The following GPNMB variants were observed in gnomAD, a reference collection of about 807,000 sequenced individuals.
GPNMB encodes the protein transmembrane glycoprotein NMB.
Under a neutral mutation model 57.3 loss-of-function variants are expected in GPNMB, and 71 were observed. The ratio of observed to expected loss-of-function variants is 1.24; its 90% confidence interval spans 1.02 to 1.51. GPNMB has a LOEUF of 1.51. GPNMB is among the 40% of genes most tolerant of loss of function. The pLI is 0.00. For missense variants in GPNMB, 677 were observed against 691.9 expected (o/e 0.98, Z 0.24); for synonymous variants, 253 against 263.2 (o/e 0.96, Z 0.38).
intron 5 of GPNMB, 37 bp from the exon 6 acceptor site, chr7:23,260,419 A>T (rs1470622131): frequency 1.4e-6 from 2 of 1,480,228 alleles, no homozygotes; most frequent in Non-Finnish European, 1.9e-6. Context: ...TCAAGCAATC[A>T]TGCATTCTTT....
Position 23,253,425 on chromosome 7 carries a change from G to A in GPNMB, c.189G>A (p.Lys63=). Residue 63 remains lysine (K), a synonymous_variant, in exon 2 of 11, where the codon AAG becomes AAA. Transcript: ENST00000258733. The part of the protein sequence containing the change: ...DWNEKLYPVW[K]RGDMRWKNSW... Reference sequence around the variant, plus strand: ...ATGAAAAACTCTACCCAGTGTGGAAGCGGGGAGACATGAGGTGGAAAAACT... The same window carrying A: ...ATGAAAAACTCTACCCAGTGTGGAAACGGGGAGACATGAGGTGGAAAAACT... 21 of 1,614,006 alleles carry A rather than the reference G, an allele frequency of 1.3e-5. No individual in the cohort carries two copies. The highest frequency in any genetic ancestry group is 1.8e-5 in the Non-Finnish European group (21 of 1,179,906).
chr7:23,253,361 A>G lies in GPNMB; in HGVS notation c.125A>G (p.Asn42Ser). Residue 42 changes from asparagine to serine, a missense_variant, in exon 2 of 11, where the codon AAT becomes AGT. Asn to Ser is a conservative substitution (Grantham distance 46). Transcript: ENST00000258733. ...ERPSAYMREHNQLNGWSSDEN... is the reference protein window; with the variant it reads ...ERPSAYMREHSQLNGWSSDEN... ...CCTTCTGCTTACATGAGGGAGCACA[A>G]TCAATTAAATGGCTGGTCTTCTGAT... 1.2e-6 allele frequency: 2 copies of G among 1,613,732 alleles called. No individual in the cohort carries two copies. Among genetic ancestry groups the G allele is most frequent in the East Asian group, 2.2e-5 (1 of 44,894 alleles).
At chr7:23,247,273 T>C (rs1782554345) in intron 1 of GPNMB, 1 of 310,728 alleles carries the variant, frequency 3.2e-6, no homozygotes, top group African/African-American at 2.1e-5. Flanking sequence ...AACTAAACTA[T>C]GTCCAGCTTC....
chr7:23,273,432 G>T, intron 9 of GPNMB, 89 bp from the exon 10 acceptor site: 1 of 801,432 alleles, frequency 1.2e-6, no homozygotes. Context: ...TTCTGTGACG[G>T]CTCCCTTCCT....
Position 23,274,051 on chromosome 7 carries a change from C to G in GPNMB, c.1524-14C>G, listed in dbSNP as rs754084139. The G allele has an allele frequency of 1.2e-5, 19 of 1,583,848 alleles. No homozygotes were observed. In the South Asian group the frequency reaches 1.9e-4, roughly 16 times the overall value. ...AGATCTTTTAAAAATAACTAACCAA[C>G]AGATTGTTTTCAGAAAACACAAGGA... On this transcript the variant is annotated splice_polypyrimidine_tract_variant and intron_variant, in intron 10 of 10. Coordinates refer to ENST00000258733, the MANE Select transcript of GPNMB (RefSeq NM_002510.3).
chr7:23,268,911 G>C (rs1583836279), intron 8 of GPNMB, among the ~76,000 whole-genome samples: 1 of 152,168 alleles, frequency 6.6e-6, no homozygotes, highest in South Asian at 2.1e-4. Context: ...ATCTAAGAAG[G>C]CTGCCATGAG....
intron 8 of GPNMB, among the ~76,000 whole-genome samples, chr7:23,269,161 T>A (rs926698986): frequency 6.6e-6 from 1 of 152,060 alleles, no homozygotes. Flanking sequence ...CTGAGGCGGT[T>A]GATCACCTGA....
At chr7:23,267,558 T>A (rs1428838503) in intron 7 of GPNMB, among the ~76,000 whole-genome samples, 1 of 152,206 alleles carries the variant, frequency 6.6e-6, no homozygotes, top group Non-Finnish European at 1.5e-5. Context: ...AAGTTCAAGG[T>A]ACCAGCACAT....
chr7:23,253,534 G>A (rs1782707095), intron 2 of GPNMB, 75 bp downstream of exon 2: 2 of 1,258,612 alleles, frequency 1.6e-6, no homozygotes, highest in Non-Finnish European at 2.3e-6. Flanking sequence ...AAGCCTTTTA[G>A]ATCACACGGC....
chr7:23,266,687 AC>A, intron 7 of GPNMB, 72 bp downstream of exon 7: 1 of 1,404,656 alleles, frequency 7.1e-7, no homozygotes, highest in Non-Finnish European at 9.9e-7. Context: ...CTCTCTGCTA[AC>A]TCTGAAGGGG....
intron 6 of GPNMB, among the ~76,000 whole-genome samples, chr7:23,262,608 CTTTTTTTTTTTTTTTT>C (rs58011121): frequency 0.02 from 1,259 of 62,922 alleles, 45 homozygotes; most frequent in African/African-American, 0.07. Flanking sequence ...TCACCATTCT[CTTTTTTTTTTTTTTTT>C]TTTTTTTTTT....
At position 23,260,741 on chromosome 7, in the gene GPNMB, C is replaced by T; in HGVS notation, c.986C>T (p.Pro329Leu). The change falls in exon 6 of 11, where the codon CCA (proline) becomes CTA (leucine). Residue 329 changes from proline to leucine, a missense_variant. Coordinates refer to ENST00000258733, the MANE Select transcript of GPNMB (RefSeq NM_002510.3). The stretch of plus-strand genomic sequence containing the variant: ...GGACCTTGTCCGCCACCGCCACCAC[C>T]ACCCAGACCTTCAAAACCCACCCCT... ...APGPCPPPPP[P>L]PRPSKPTPSL... 1 of 1,574,906 alleles carries T rather than the reference C, an allele frequency of 6.3e-7. No individual in the cohort carries two copies. Among genetic ancestry groups the T allele is most frequent in the Non-Finnish European group, 8.6e-7 (1 of 1,159,384 alleles).
intron 1 of GPNMB, chr7:23,248,110 A>G (rs1261768183): frequency 6.6e-6 from 1 of 152,252 alleles, no homozygotes; most frequent in Non-Finnish European, 1.5e-5. Context: ...GCTTTGCTCC[A>G]TTTCCTCATT....
intron 1 of GPNMB, among the ~76,000 whole-genome samples, chr7:23,251,326 C>T (rs945551589): frequency 1.3e-5 from 2 of 152,202 alleles, no homozygotes; most frequent in Non-Finnish European, 2.9e-5. Flanking sequence ...GGATCTCTCC[C>T]AGGATTTAAG....
intron 6 of GPNMB, among the ~76,000 whole-genome samples, chr7:23,265,350 C>T (rs898515675): frequency 1.3e-5 from 2 of 152,218 alleles, no homozygotes; most frequent in Non-Finnish European, 2.9e-5. Context: ...GTCTACTTCA[C>T]ATGTCTTTTG....
Position 23,260,139 on chromosome 7 carries a change from G to T in GPNMB, c.700+1G>T. 2 of 1,613,788 alleles carry T rather than the reference G, an allele frequency of 1.2e-6. No homozygotes were observed. The highest frequency in any genetic ancestry group is 1.7e-6 in the Non-Finnish European group (2 of 1,179,724). ...GTGAAAGATGTGTACGTGGTAACAG[G>T]TGAGTGGTGTGAACTCTAACTGAGG... On this transcript the variant is annotated splice_donor_variant, in intron 5 of 10. Transcript: ENST00000258733. LOFTEE classifies it high-confidence loss of function.
intron 8 of GPNMB, 33 bp from the exon 9 acceptor site, chr7:23,269,934 C>T (rs768731981): frequency 2.7e-6 from 4 of 1,488,132 alleles, no homozygotes; most frequent in South Asian, 2.3e-5. Context: ...TTCTCTGTGC[C>T]CTGTGCGCCC....
Position 23,274,485 on chromosome 7 carries a change from C to A in GPNMB, c.*261C>A. On this transcript the variant is annotated 3_prime_UTR_variant, in exon 11 of 11. Coordinates refer to ENST00000258733, the MANE Select transcript of GPNMB (RefSeq NM_002510.3). The stretch of plus-strand genomic sequence containing the variant: ...ATTTTTTATGTTTCACTTATAAAGT[C>A]TTAGGTAACTAGTAGGATAGAAACA... 1 of 319,358 alleles carries A rather than the reference C, an allele frequency of 3.1e-6. No homozygotes were observed. Among genetic ancestry groups the A allele is most frequent in the East Asian group, 6.8e-5 (1 of 14,790 alleles). 19.8% of individuals were successfully genotyped at this position (319,358 alleles called of 1,614,324 possible). A position where few individuals can be genotyped will look rare whatever the true frequency, so the allele number is the denominator to read the frequency against.
intron 3 of GPNMB, 51 bp downstream of exon 3, chr7:23,254,363 T>G: frequency 6.8e-7 from 1 of 1,472,858 alleles, no homozygotes; most frequent in Non-Finnish European, 9.4e-7. Context: ...TTCTAAACCT[T>G]AATGATCACA....
Sources: gnomAD v4.1 joint callset for allele counts (sites outside exome capture counted in the v4.1 genomes callset) on GRCh38, gnomAD v4.1.1 for gene constraint, MANE v1.5 for transcripts, NCBI Gene and HGNC (gene_info 2026-07-23, HGNC 2026-07-21) for gene names.